The following PHACTR1 variants were observed in gnomAD, a reference collection of about 807,000 sequenced individuals.
PHACTR1 encodes the protein phosphatase and actin regulator 1.
PHACTR1 carries 16 observed loss-of-function variants against 69.2 expected under a neutral mutation model. The observed-to-expected ratio is 0.23, with a 90% CI of 0.16 to 0.35. The LOEUF (loss-of-function observed/expected upper bound fraction) is 0.35, where lower values mean the gene tolerates loss of function less well. PHACTR1 is among the 10% of genes least tolerant of loss of function. The pLI is 1.00. For missense variants in PHACTR1, 510 were observed against 734.7 expected (o/e 0.69, Z 3.54); for synonymous variants, 312 against 284.5 (o/e 1.10, Z -0.97).
At chr6:12,986,963 G>T (rs763823523) in intron 4 of PHACTR1, among the ~76,000 whole-genome samples, 1 of 152,130 alleles carries the variant, frequency 6.6e-6, no homozygotes, top group African/African-American at 2.4e-5. Context: ...TGGTTGATTT[G>T]TAAATGATTT....
chr6:13,181,247 TTA>T (rs1762144078), intron 6 of PHACTR1, among the ~76,000 whole-genome samples: 1 of 152,126 alleles, frequency 6.6e-6, no homozygotes. Flanking sequence ...GATCAGTGAT[TTA>T]TAAAATTAAA....
chr6:12,973,904 G>A (rs1339932377), intron 4 of PHACTR1, among the ~76,000 whole-genome samples: 1 of 146,596 alleles, frequency 6.8e-6, no homozygotes, highest in African/African-American at 2.5e-5. Context: ...ATTAGGGGTT[G>A]AAGAGGCTGG....
chr6:12,842,458 T>C (rs1268137330), intron 4 of PHACTR1, among the ~76,000 whole-genome samples: 1 of 152,242 alleles, frequency 6.6e-6, no homozygotes, highest in Non-Finnish European at 1.5e-5. Flanking sequence ...ACTGTTGAAA[T>C]GATGTAATTT....
At chr6:12,826,684 G>A (rs1776836706) in intron 4 of PHACTR1, among the ~76,000 whole-genome samples, 1 of 152,122 alleles carries the variant, frequency 6.6e-6, no homozygotes, top group Non-Finnish European at 1.5e-5. Flanking sequence ...ATCCCTTGCA[G>A]TGCATCTGAA....
chr6:13,217,592 A>C lies in PHACTR1; in HGVS notation c.987-10224A>C, dbSNP rs142407118. Among the ~76,000 whole-genome samples, 1,422 of 152,250 alleles carry C rather than the reference A, an allele frequency of 9.3e-3. 20 individuals carry two copies. Among genetic ancestry groups the C allele is most frequent in the African/African-American group, 0.03 (1,242 of 41,508 alleles). On this transcript the variant is annotated intron_variant, in intron 8 of 14. Coordinates refer to ENST00000332995, the MANE Select transcript of PHACTR1 (RefSeq NM_030948.6). ...CCTGAAAGGACAGAGGCTGTGAACA[A>C]ATTAATTTAAATCCATTACCACTGC...
intron 4 of PHACTR1, among the ~76,000 whole-genome samples, chr6:12,783,857 C>T (rs1425322482): frequency 1.3e-5 from 2 of 152,122 alleles, no homozygotes; most frequent in Admixed American, 6.5e-5. Context: ...AATATCAGCA[C>T]TGTAGGTAAT....
At chr6:13,178,276 C>G (rs1487656526) in intron 6 of PHACTR1, among the ~76,000 whole-genome samples, 1 of 152,204 alleles carries the variant, frequency 6.6e-6, no homozygotes, top group Non-Finnish European at 1.5e-5. Context: ...TCATGATCCA[C>G]GGTTAGACAA....
At chr6:12,899,745 A>C (rs912812600) in intron 4 of PHACTR1, among the ~76,000 whole-genome samples, 1 of 152,368 alleles carries the variant, frequency 6.6e-6, no homozygotes, top group Non-Finnish European at 1.5e-5. Context: ...CTGTCTTTCT[A>C]AATGAGAAGG....
chr6:13,242,809 TA>T (rs1009345824), intron 10 of PHACTR1, among the ~76,000 whole-genome samples: 4 of 152,222 alleles, frequency 2.6e-5, no homozygotes, highest in African/African-American at 9.7e-5. Flanking sequence ...GGAAACAAGT[TA>T]CTAAGGGAGA....
intron 4 of PHACTR1, among the ~76,000 whole-genome samples, chr6:12,787,199 C>T (rs1393470590): frequency 6.6e-6 from 1 of 152,210 alleles, no homozygotes; most frequent in African/African-American, 2.4e-5. Flanking sequence ...GGGTTGGCTG[C>T]TAACCTTTAA....
intron 4 of PHACTR1, among the ~76,000 whole-genome samples, chr6:12,846,868 C>CCA (rs56170805): frequency 0.2 from 30,595 of 151,632 alleles, 3,451 homozygotes; most frequent in African/African-American, 0.3. Flanking sequence ...GTGCAGTGGC[C>CCA]GTCTCAGCTC....
At chr6:13,257,316 C>T (rs990706438) in intron 10 of PHACTR1, among the ~76,000 whole-genome samples, 3 of 152,176 alleles carry the variant, frequency 2.0e-5, no homozygotes, top group Admixed American at 2.0e-4. Context: ...GATCCAGTCA[C>T]CTCCCACCAG....
chr6:12,845,195 A>G (rs1168053302), intron 4 of PHACTR1, among the ~76,000 whole-genome samples: 1 of 152,170 alleles, frequency 6.6e-6, no homozygotes, highest in Non-Finnish European at 1.5e-5. Flanking sequence ...CTTATACATC[A>G]ATGCATGATT....
Position 13,245,483 on chromosome 6 carries a change from G to T in PHACTR1, c.1391+15290G>T, listed in dbSNP as rs1253140900. 6.6e-6 allele frequency among the ~76,000 whole-genome samples: 1 copy of T among 152,112 alleles called. No individual in the cohort carries two copies. Among genetic ancestry groups the T allele is most frequent in the Non-Finnish European group, 1.5e-5 (1 of 68,018 alleles). On this transcript the variant is annotated intron_variant, in intron 10 of 14. Transcript: ENST00000332995. The surrounding 1 kb of genome is among the most constrained non-coding windows in gnomAD (Gnocchi z 4.1). ...GGATTTCTGTTTTTGTAAAGTGTCTGTTCATGTCCTTTTTAATGGGGTTGT... is the reference window on the plus strand; with the variant it reads ...GGATTTCTGTTTTTGTAAAGTGTCTTTTCATGTCCTTTTTAATGGGGTTGT...
chr6:13,196,506 C>T (rs560817938), intron 7 of PHACTR1: 204 of 176,226 alleles, frequency 1.2e-3, no homozygotes, highest in African/African-American at 4.6e-3. Context: ...CTGCAACCTC[C>T]GCTTCCCAGG....
chr6:13,102,932 G>A (rs1485397871), intron 5 of PHACTR1, among the ~76,000 whole-genome samples: 2 of 152,198 alleles, frequency 1.3e-5, no homozygotes, highest in Admixed American at 6.5e-5. Flanking sequence ...CAAGAAGCCA[G>A]CTTGTAAAAG....
intron 8 of PHACTR1, among the ~76,000 whole-genome samples, chr6:13,218,087 A>G (rs1157235244): frequency 6.6e-6 from 1 of 152,182 alleles, no homozygotes; most frequent in Non-Finnish European, 1.5e-5. Flanking sequence ...TTTTTTTAAC[A>G]GTGGATGCAT....
intron 4 of PHACTR1, among the ~76,000 whole-genome samples, chr6:13,026,883 C>T (rs1199070379): frequency 6.6e-6 from 1 of 151,772 alleles, no homozygotes; most frequent in Non-Finnish European, 1.5e-5. Context: ...CACCAGAGTA[C>T]CTTGCTGATG....
rs146862062 is a variant in PHACTR1, at chr6:13,056,322, C to T, written c.415+2793C>T. On this transcript the variant is annotated intron_variant, in intron 5 of 14. Coordinates refer to ENST00000332995, the MANE Select transcript of PHACTR1 (RefSeq NM_030948.6). Reference sequence around the variant, plus strand: ...AGCTGAGGTGAGAGGATTGCTTGAACCCAGGAGTTTAAGACTTCAGTGAGC... The same window carrying T: ...AGCTGAGGTGAGAGGATTGCTTGAATCCAGGAGTTTAAGACTTCAGTGAGC... Among the ~76,000 whole-genome samples, 873 of 152,268 alleles carry T rather than the reference C, an allele frequency of 5.7e-3. 9 individuals are homozygous for T. The highest frequency in any genetic ancestry group is 0.02 in the African/African-American group (833 of 41,552).
Sources: allele counts gnomAD v4.1 joint callset (sites outside exome capture counted in the v4.1 genomes callset), GRCh38; gene constraint gnomAD v4.1.1; non-coding constraint Gnocchi (gnomAD v3.1); transcripts MANE v1.5; gene names NCBI Gene and HGNC (gene_info 2026-07-23, HGNC 2026-07-21).